The following REXO1 variants were observed in gnomAD, a reference collection of about 807,000 sequenced individuals.
The protein encoded by REXO1 is REX1, RNA exonuclease 1 homolog.
REXO1 carries 42 observed loss-of-function variants against 102.6 expected under a neutral mutation model. The observed-to-expected ratio is 0.41, with a 90% CI of 0.32 to 0.53. The LOEUF (loss-of-function observed/expected upper bound fraction) is 0.53. Among genes scored for constraint, REXO1 ranks in the 20% least tolerant of loss-of-function variants. The pLI is 0.27. For missense variants in REXO1, 1,819 were observed against 1,732.5 expected (o/e 1.05, Z -0.89); for synonymous variants, 908 against 779.1 (o/e 1.17, Z -2.76).
intron 5 of REXO1, among the ~76,000 whole-genome samples, chr19:1,820,923 C>G (rs1222276027): frequency 6.6e-6 from 1 of 151,444 alleles, no homozygotes; most frequent in Admixed American, 6.6e-5. Flanking sequence ...CACTTGAGCC[C>G]AGGAGGTCGA....
At chr19:1,825,323 C>A (rs111642868) in intron 3 of REXO1, among the ~76,000 whole-genome samples, 23,523 of 96,130 alleles carry the variant, frequency 0.24, 1,707 homozygotes, top group African/African-American at 0.35. Flanking sequence ...AAAAAAAAAA[C>A]AACCAAAAAA....
chr19:1,827,014 C>G lies in REXO1; in HGVS notation c.1775G>C (p.Ser592Thr), dbSNP rs1048594746. 1.0e-5 allele frequency: 15 copies of G among 1,436,616 alleles called. No homozygotes were observed. The African/African-American group carries it at 2.2e-4, about 21-fold the overall frequency. The allele number at this position is 1,436,616 out of a possible 1,614,324, so 89.0% of individuals were successfully genotyped here. A position where few individuals can be genotyped will look rare whatever the true frequency, so the allele number is the denominator to read the frequency against. ...CGAGTAGTCCACATCCGCCCCCGCG[C>G]TGGAGGTGGAGGAGGAGGAGGAGGA... The part of the protein sequence containing the change: ...SSSSSSSSTS[S>T]AGADVDYSAL... The change falls in exon 2 of 16, where the codon AGC (serine) becomes ACC (threonine). Residue 592 changes from serine (S) to threonine (T), a missense_variant. Transcript: ENST00000170168.
At chr19:1,847,125 G>A (rs911326822) in intron 1 of REXO1, among the ~76,000 whole-genome samples, 1 of 152,222 alleles carries the variant, frequency 6.6e-6, no homozygotes, top group Non-Finnish European at 1.5e-5. Flanking sequence ...CAGCGAAGAC[G>A]CTGGGCTGTG....
rs2070004562 is a variant in REXO1, at chr19:1,835,142, A to G, written c.158-6511T>C. Among the ~76,000 whole-genome samples, 2 of 152,108 alleles carry G rather than the reference A, an allele frequency of 1.3e-5. 1 individual carries two copies. The highest frequency in any genetic ancestry group is 4.2e-4 in the South Asian group (2 of 4,818). On this transcript the variant is annotated intron_variant, in intron 1 of 15. Transcript: ENST00000170168. Reference sequence around the variant, plus strand: ...CCTCCCTGGACCTCCCTGTCCCACCATGCCTCAGAGGGTTGGATCTGGGTA... The same window carrying G: ...CCTCCCTGGACCTCCCTGTCCCACCGTGCCTCAGAGGGTTGGATCTGGGTA...
In REXO1 at chr19:1,816,158, C is replaced by A; in HGVS notation, c.3578-4G>T. 1 of 1,552,430 alleles carries A rather than the reference C, an allele frequency of 6.4e-7. No individual in the cohort carries two copies. On this transcript the variant is annotated splice_region_variant and splice_polypyrimidine_tract_variant and intron_variant, in intron 15 of 15. Coordinates refer to ENST00000170168, the MANE Select transcript of REXO1 (RefSeq NM_020695.4). The stretch of plus-strand genomic sequence containing the variant: ...TCGCTGGAGCTGTGCCCATCCACTG[C>A]GGGGCAGATGCGGTGAGCACCCGGC...
In REXO1 at chr19:1,820,037, C is replaced by T. The variant is rs771271110; in HGVS notation, c.2547G>A (p.Val849=). 6.2e-7 allele frequency: 1 copy of T among 1,604,098 alleles called. No individual in the cohort carries two copies. Among genetic ancestry groups the T allele is most frequent in the Non-Finnish European group, 8.5e-7 (1 of 1,177,380 alleles). The change falls in exon 7 of 16, where the codon GTG becomes GTA. Residue 849 remains valine (V), a synonymous_variant. Transcript: ENST00000170168. ...AIEKALNEEK[V]AYDRSPSKNI... ...TCTTGCTGGGGCTGCGGTCATAGGC[C>T]ACCTTCTCCTCGTTCAGTGCCTGGG...
rs1431538423 is a variant in REXO1, at chr19:1,827,907, G to A, written c.882C>T (p.Ala294=). The A allele has an allele frequency of 1.9e-6, 3 of 1,613,808 alleles. No individual in the cohort carries two copies. The highest frequency in any genetic ancestry group is 2.5e-6 in the Non-Finnish European group (3 of 1,179,902). Residue 294 remains alanine (A), a synonymous_variant, in exon 2 of 16, where the codon GCC becomes GCT. Coordinates refer to ENST00000170168, the MANE Select transcript of REXO1 (RefSeq NM_020695.4). Reference sequence around the variant, plus strand: ...TGGTGGGCTCGTTACCTGGGACCGTGGCGGCCTCATCTTCTGAGTCTGAGA... The same window carrying A: ...TGGTGGGCTCGTTACCTGGGACCGTAGCGGCCTCATCTTCTGAGTCTGAGA... ...ARFSDSEDEA[A]TVPGNEPTTA... is the part of the protein sequence containing the mutation.
chr19:1,826,754 A>G lies in REXO1; in HGVS notation c.1911+124T>C. ...GATTTCAACGGGCTCAGGGACCAGC[A>G]CTGAGGAGCTGCCTCCACCCCGTGC... On this transcript the variant is annotated intron_variant, in intron 2 of 15. Transcript: ENST00000170168. This position sits in a 1 kb window ranked among gnomAD's most constrained non-coding sequence, Gnocchi z 4.3. 1 of 1,453,728 alleles carries G rather than the reference A, an allele frequency of 6.9e-7. No homozygotes were observed. Among genetic ancestry groups the G allele is most frequent in the Non-Finnish European group, 9.1e-7 (1 of 1,098,238 alleles). The allele number at this position is 1,453,728 out of a possible 1,614,324, so 90.1% of individuals were successfully genotyped here. A position where few individuals can be genotyped will look rare whatever the true frequency, so the allele number is the denominator to read the frequency against.
Position 1,816,523 on chromosome 19 carries a change from G to A in REXO1, c.3364C>T (p.Leu1122=), listed in dbSNP as rs1257797920. 8 of 1,611,980 alleles carry A rather than the reference G, an allele frequency of 5.0e-6. No individual in the cohort carries two copies. The highest frequency in any genetic ancestry group is 3.3e-5 in the Admixed American group (2 of 59,976). Residue 1122 remains leucine (L), a synonymous_variant, in exon 14 of 16, where the codon CTG becomes TTG. Coordinates refer to ENST00000170168, the MANE Select transcript of REXO1 (RefSeq NM_020695.4). The part of the protein sequence containing the change: ...EADLADTSVT[L]RDVQAVLLSM... Reference sequence around the variant, plus strand: ...AGCAGAACGGCCTGGACGTCACGCAGCGTGACACTTGTGTCGGCAAGGTCA... The same window carrying A: ...AGCAGAACGGCCTGGACGTCACGCAACGTGACACTTGTGTCGGCAAGGTCA...
chr19:1,815,718 TGAG>T lies in REXO1; in HGVS notation c.*345_*347del. The T allele has an allele frequency of 7.3e-7, 1 of 1,377,742 alleles. No individual in the cohort carries two copies. The highest frequency in any genetic ancestry group is 2.9e-5 in the East Asian group (1 of 34,792). The allele number at this position is 1,377,742 out of a possible 1,614,324, so 85.3% of individuals were successfully genotyped here. The stretch of plus-strand genomic sequence containing the variant: ...GGACAAGCCCGCCCCGCGACCCACG[TGAG>T]GAGCAGAGGTGCCGGCCACCACCCG... On this transcript the variant is annotated 3_prime_UTR_variant, in exon 16 of 16. Transcript: ENST00000170168. The surrounding 1 kb of genome is among the most constrained non-coding windows in gnomAD (Gnocchi z 4.0).
rs567122458 is a variant in REXO1, at chr19:1,815,716, C to T, written c.*350G>A. On this transcript the variant is annotated 3_prime_UTR_variant, in exon 16 of 16. Transcript: ENST00000170168. The surrounding 1 kb of genome is among the most constrained non-coding windows in gnomAD (Gnocchi z 4.0). ...TGGGACAAGCCCGCCCCGCGACCCA[C>T]GTGAGGAGCAGAGGTGCCGGCCACC... 44 of 1,379,570 alleles carry T rather than the reference C, an allele frequency of 3.2e-5. No individual in the cohort carries two copies. The highest frequency in any genetic ancestry group is 8.9e-5 in the Admixed American group (3 of 33,532). 85.5% of individuals were successfully genotyped at this position (1,379,570 alleles called of 1,614,324 possible). A position where few individuals can be genotyped will look rare whatever the true frequency, so the allele number is the denominator to read the frequency against.
chr19:1,821,467 C>T, intron 5 of REXO1, 52 bp downstream of exon 5: 1 of 1,609,258 alleles, frequency 6.2e-7, no homozygotes, highest in South Asian at 1.1e-5. Flanking sequence ...GTGGCCGGGC[C>T]TCAGGGCGTG....
rs767395604 is a variant in REXO1, at chr19:1,818,605, G to T, written c.2903-10C>A. ...CAGGTCCTGCAGGAAGCTGTGGGTGGGGACCCAGGTGGAAGCTGAGGCTCA... is the reference window on the plus strand; with the variant it reads ...CAGGTCCTGCAGGAAGCTGTGGGTGTGGACCCAGGTGGAAGCTGAGGCTCA... On this transcript the variant is annotated splice_polypyrimidine_tract_variant and intron_variant, in intron 9 of 15. Coordinates refer to ENST00000170168, the MANE Select transcript of REXO1 (RefSeq NM_020695.4). The T allele has an allele frequency of 2.5e-6, 4 of 1,608,494 alleles. No homozygotes were observed. In the South Asian group the frequency reaches 4.4e-5, roughly 18 times the overall value.
intron 1 of REXO1, among the ~76,000 whole-genome samples, chr19:1,838,801 T>C (rs906790161): frequency 5.9e-5 from 9 of 152,202 alleles, no homozygotes; most frequent in African/African-American, 2.2e-4. Flanking sequence ...GCCACTTTCA[T>C]GGTCCACACA....
chr19:1,828,246 C>T lies in REXO1; in HGVS notation c.543G>A (p.Ser181=), dbSNP rs751403264. The change falls in exon 2 of 16, where the codon TCG becomes TCA. Residue 181 remains serine (S), a synonymous_variant. Coordinates refer to ENST00000170168, the MANE Select transcript of REXO1 (RefSeq NM_020695.4). ...CCTGACCCCTGTCCAGGGACGCCAG[C>T]GAGTACTTGCTGCCCGGCTCGGCAG... is the stretch of plus-strand genomic sequence containing the variant. ...AAPAEPGSKY[S]LASLDRGQGR... The T allele has an allele frequency of 4.4e-6, 7 of 1,606,230 alleles. No individual in the cohort carries two copies. The highest frequency in any genetic ancestry group is 3.3e-5 in the South Asian group (3 of 90,750).
At chr19:1,830,465 T>C (rs141973001) in intron 1 of REXO1, among the ~76,000 whole-genome samples, 71 of 152,366 alleles carry the variant, frequency 4.7e-4, no homozygotes, top group African/African-American at 1.6e-3. Flanking sequence ...GCCAGGATTG[T>C]GCCTCTGCAC....
At position 1,847,798 on chromosome 19, in the gene REXO1, G is replaced by A. The variant is rs559174132; in HGVS notation, c.157+404C>T. ...AGGAAACGTCATGGAAATAAACAAGGGCGGCCACAAGCACATGGGGTCCGG... is the reference window on the plus strand; with the variant it reads ...AGGAAACGTCATGGAAATAAACAAGAGCGGCCACAAGCACATGGGGTCCGG... On this transcript the variant is annotated intron_variant, in intron 1 of 15. Transcript: ENST00000170168. Among the ~76,000 whole-genome samples, 56 of 152,326 alleles carry A rather than the reference G, an allele frequency of 3.7e-4. 1 individual carries two copies. The highest frequency in any genetic ancestry group is 3.4e-3 in the Middle Eastern group (1 of 294).
chr19:1,822,145 C>T, intron 4 of REXO1: 2 of 376,728 alleles, frequency 5.3e-6, no homozygotes, highest in Non-Finnish European at 4.7e-6. Context: ...CTTCGGAGGG[C>T]TGGCCACGCG....
At chr19:1,822,669 T>C (rs2289286) in intron 4 of REXO1, 42,292 of 152,302 alleles carry the variant, frequency 0.28, 6,251 homozygotes, top group East Asian at 0.42. Context: ...CCCAACTCAA[T>C]GATTTCCCCT....
Sources: allele counts gnomAD v4.1 joint callset (sites outside exome capture counted in the v4.1 genomes callset), GRCh38; gene constraint gnomAD v4.1.1; non-coding constraint Gnocchi (gnomAD v3.1); transcripts MANE v1.5; gene names NCBI Gene and HGNC (gene_info 2026-07-23, HGNC 2026-07-21).